The following LRRN3 variants were observed in gnomAD, a reference collection of about 807,000 sequenced individuals.
LRRN3 encodes the protein leucine rich repeat neuronal 3, also known as leucine-rich repeat neuronal protein 3.
In LRRN3, 15 loss-of-function variants were observed where a neutral mutation model predicts 40.1. The observed-to-expected ratio is 0.37, with a 90% CI of 0.25 to 0.58. LRRN3 has a LOEUF of 0.58. Among genes scored for constraint, LRRN3 ranks in the 20% least tolerant of loss-of-function variants. LRRN3 has a pLI of 0.72. For synonymous variants in LRRN3, 308 were observed against 297.2 expected, an observed-to-expected ratio of 1.04 and a Z score of -0.37; for missense variants, 746 against 837.7, an observed-to-expected ratio of 0.89 and a Z score of 1.35.
intron 1 of LRRN3, among the ~76,000 whole-genome samples, chr7:111,098,069 G>C (rs1188459371): frequency 6.6e-6 from 1 of 151,718 alleles, no homozygotes; most frequent in Non-Finnish European, 1.5e-5. Flanking sequence ...ATATATGAAA[G>C]ATAAACATAC....
rs1562824422 is a variant in LRRN3, at chr7:111,124,847, C to T, written c.2075C>T (p.Thr692Ile). The T allele has an allele frequency of 6.3e-7, 1 of 1,598,626 alleles. No homozygotes were observed. Among genetic ancestry groups the T allele is most frequent in the Non-Finnish European group, 8.5e-7 (1 of 1,172,824 alleles). ...NLWEAGKEKS[T>I]SLKVKATVIG... ...TGGGAAGCAGGAAAAGAAAAAAGTA[C>T]ATCACTGAAAGTAAAAGCAACTGTT... Residue 692 changes from threonine to isoleucine, a missense_variant, in exon 3 of 3, where the codon ACA becomes ATA. Thr to Ile is a moderately conservative substitution (Grantham distance 89). Transcript: ENST00000308478.
intron 1 of LRRN3, among the ~76,000 whole-genome samples, chr7:111,092,985 A>C (rs1008717804): frequency 6.6e-6 from 1 of 152,202 alleles, no homozygotes. Context: ...TTTGTAATAT[A>C]AGCCAAAGCA....
chr7:111,103,399 A>C (rs1348130538), intron 2 of LRRN3, among the ~76,000 whole-genome samples: 3 of 151,666 alleles, frequency 2.0e-5, no homozygotes, highest in African/African-American at 7.2e-5. Context: ...AAGTCTAGCC[A>C]CACTGATTTG....
rs576468857 is a variant in LRRN3 at position 111,101,335 on chromosome 7, A to G, written c.-359+1373A>G. Reference sequence around the variant, plus strand: ...GGCATACTGATAAGCGATAATGTCTATAAGATACAACAAGCAGAATCATAT... The same window carrying G: ...GGCATACTGATAAGCGATAATGTCTGTAAGATACAACAAGCAGAATCATAT... On this transcript the variant is annotated intron_variant, in intron 2 of 2. Coordinates refer to ENST00000308478, the MANE Select transcript of LRRN3 (RefSeq NM_001099658.2). Among the ~76,000 whole-genome samples, 37 of 151,618 alleles carry G rather than the reference A, an allele frequency of 2.4e-4. No individual in the cohort carries two copies. In the South Asian group the frequency reaches 7.5e-3, roughly 31 times the overall value.
intron 1 of LRRN3, among the ~76,000 whole-genome samples, chr7:111,098,560 A>G (rs1349653549): frequency 6.6e-6 from 1 of 151,724 alleles, no homozygotes; most frequent in Non-Finnish European, 1.5e-5. Flanking sequence ...CTCTTAGACA[A>G]TCCTTTACTG....
rs754345216 is a variant in LRRN3 at position 111,122,755 on chromosome 7, C to G, written c.-18C>G. On this transcript the variant is annotated 5_prime_UTR_variant, in exon 3 of 3. Transcript: ENST00000308478. ...GAATCCTTAAGGGCCCATTACATTT[C>G]TGAAGAAGAAAGCTAAGATGAAGGA... The G allele has an allele frequency of 3.8e-6, 6 of 1,596,240 alleles. No individual in the cohort carries two copies. The African/African-American group carries it at 8.1e-5, about 21-fold the overall frequency.
At chr7:111,096,079 A>G (rs1797367818) in intron 1 of LRRN3, among the ~76,000 whole-genome samples, 1 of 152,032 alleles carries the variant, frequency 6.6e-6, no homozygotes, top group Admixed American at 6.6e-5. Flanking sequence ...AACTTGTAAG[A>G]AGGATACAAA....
At chr7:111,093,811 C>T (rs955735484) in intron 1 of LRRN3, among the ~76,000 whole-genome samples, 7 of 152,104 alleles carry the variant, frequency 4.6e-5, no homozygotes, top group African/African-American at 1.4e-4. Context: ...CATAGTCTCC[C>T]CAAATCATGT....
rs200733700 is a variant in LRRN3, at chr7:111,124,781, C to A, written c.2009C>A (p.Thr670Asn). ...SYVRNYLQKP[T>N]FALGELYPPL... ...GTGAGGAATTACTTACAGAAACCAA[C>A]CTTTGCATTAGGTGAGCTTTATCCT... Residue 670 changes from threonine (T) to asparagine (N), a missense_variant, in exon 3 of 3, where the codon ACC becomes AAC. Thr to Asn is a moderately conservative substitution (Grantham distance 65, BLOSUM62 0). Transcript: ENST00000308478. The A allele has an allele frequency of 1.4e-4, 232 of 1,613,642 alleles. 3 individuals carry two copies. In the East Asian group the frequency reaches 3.5e-3, roughly 24 times the overall value.
chr7:111,123,009 C>A lies in LRRN3; in HGVS notation c.237C>A (p.Asn79Lys). Reference sequence around the variant, plus strand: ...CACAGATTCTTCTCCTACAGACTAACAATATTGCAAAAATTGAATACTCCA... The same window carrying A: ...CACAGATTCTTCTCCTACAGACTAAAAATATTGCAAAAATTGAATACTCCA... ...ANTQILLLQT[N>K]NIAKIEYSTD... is the part of the protein sequence containing the mutation. Residue 79 changes from asparagine (N) to lysine (K), a missense_variant, in exon 3 of 3, where the codon AAC (asparagine) becomes AAA (lysine). Transcript: ENST00000308478. This position sits in a 1 kb window ranked among gnomAD's most constrained non-coding sequence, Gnocchi z 6.4. 6.2e-7 allele frequency: 1 copy of A among 1,613,918 alleles called. No individual in the cohort carries two copies. Among genetic ancestry groups the A allele is most frequent in the African/African-American group, 1.3e-5 (1 of 75,036 alleles).
chr7:111,102,448 T>A (rs1798075958), intron 2 of LRRN3, among the ~76,000 whole-genome samples: 1 of 151,730 alleles, frequency 6.6e-6, no homozygotes, highest in East Asian at 1.9e-4. Flanking sequence ...GTTTTCAAGA[T>A]GTCTCTTTAG....
chr7:111,113,777 C>A lies in LRRN3; in HGVS notation c.-358-8638C>A, dbSNP rs191522313. ...GTAAGTCTGTCTCCTGTCATTCAAG[C>A]AGGGGAATTTCCAAATCTAGTTGGA... On this transcript the variant is annotated intron_variant, in intron 2 of 2. Coordinates refer to ENST00000308478, the MANE Select transcript of LRRN3 (RefSeq NM_001099658.2). 1.6e-4 allele frequency among the ~76,000 whole-genome samples: 24 copies of A among 152,222 alleles called. No homozygotes were observed. In the South Asian group the frequency reaches 2.3e-3, roughly 14 times the overall value.
At chr7:111,104,272 T>C (rs1010550717) in intron 2 of LRRN3, among the ~76,000 whole-genome samples, 2 of 151,694 alleles carry the variant, frequency 1.3e-5, no homozygotes, top group African/African-American at 2.4e-5. Flanking sequence ...TGATTTTCCT[T>C]CTCCCACTCC....
chr7:111,115,673 A>G (rs1032251083), intron 2 of LRRN3, among the ~76,000 whole-genome samples: 4 of 151,652 alleles, frequency 2.6e-5, no homozygotes, highest in South Asian at 2.1e-4. Flanking sequence ...TTATATATTT[A>G]TATATATTTC....
chr7:111,116,387 A>C (rs900288306), intron 2 of LRRN3, among the ~76,000 whole-genome samples: 32 of 152,224 alleles, frequency 2.1e-4, no homozygotes, highest in African/African-American at 6.8e-4. Context: ...AAAATATCAG[A>C]TTTGAGAATC....
At chr7:111,117,516 C>T (rs1271038019) in intron 2 of LRRN3, among the ~76,000 whole-genome samples, 15 of 151,980 alleles carry the variant, frequency 9.9e-5, no homozygotes, top group Non-Finnish European at 1.8e-4. Context: ...TAAATAATTA[C>T]CATTATCCAT....
intron 2 of LRRN3, among the ~76,000 whole-genome samples, chr7:111,105,799 G>A (rs1005146360): frequency 3.3e-5 from 5 of 151,946 alleles, no homozygotes; most frequent in East Asian, 1.9e-4. Flanking sequence ...AATAGATAGA[G>A]ATGCCTATAT....
chr7:111,117,240 T>TAG (rs913989117), intron 2 of LRRN3, among the ~76,000 whole-genome samples: 8 of 152,136 alleles, frequency 5.3e-5, no homozygotes, highest in African/African-American at 1.9e-4. Context: ...ATTCAATTGT[T>TAG]AGACACCTTT....
At chr7:111,095,957 G>C (rs991152426) in intron 1 of LRRN3, among the ~76,000 whole-genome samples, 1 of 151,862 alleles carries the variant, frequency 6.6e-6, no homozygotes, top group Non-Finnish European at 1.5e-5. Context: ...AGCTCCAGTA[G>C]GCAATGATAT....
Sources: allele counts gnomAD v4.1 joint callset (sites outside exome capture counted in the v4.1 genomes callset), GRCh38; gene constraint gnomAD v4.1.1; non-coding constraint Gnocchi (gnomAD v3.1); transcripts MANE v1.5; gene names NCBI Gene and HGNC (gene_info 2026-07-23, HGNC 2026-07-21).